WTAP: variants seen among roughly 807,000 people sequenced by gnomAD.
WTAP encodes the protein pre-mRNA-splicing regulator WTAP.
In WTAP, 8 loss-of-function variants were observed where a neutral mutation model predicts 50.0. The ratio of observed to expected loss-of-function variants is 0.16; its 90% CI spans 0.09 to 0.29. The LOEUF is 0.29. Among genes scored for constraint, WTAP ranks in the 10% least tolerant of loss-of-function variants. The pLI, the probability that WTAP is intolerant of heterozygous loss-of-function variation, is 1.00. For synonymous variants in WTAP, 194 were observed against 169.0 expected (o/e 1.15, Z -1.15); for missense variants, 295 against 470.7 (o/e 0.63, Z 3.45).
chr6:159,735,164 A>G (rs1377224147), intron 1 of WTAP, among the ~76,000 whole-genome samples: 1 of 152,144 alleles, frequency 6.6e-6, no homozygotes, highest in Non-Finnish European at 1.5e-5. Flanking sequence ...TTTGTTTGAG[A>G]TGGAGTCTCT....
Position 159,753,579 on chromosome 6 carries a change from A to C in WTAP, c.572A>C (p.Lys191Thr). ...AQLEAELALQKKYSEELKSSQ... is the reference protein window; with the variant it reads ...AQLEAELALQTKYSEELKSSQ... ...CTTGAAGCAGAGTTGGCTTTACAGA[A>C]GAAATACAGTGAGGAGCTTAAAAGC... Residue 191 changes from lysine (K) to threonine (T), a missense_variant, in exon 7 of 8, where the codon AAG (lysine) becomes ACG (threonine). Transcript: ENST00000621533. 1 of 1,614,164 alleles carries C rather than the reference A, an allele frequency of 6.2e-7. No homozygotes were observed. The highest frequency in any genetic ancestry group is 8.5e-7 in the Non-Finnish European group (1 of 1,180,006).
chr6:159,727,374 T>TGGCAGGAGGGGGGAGGCGGGA (rs776889635), upstream of WTAP: 14 of 1,033,154 alleles, frequency 1.4e-5, no homozygotes, highest in Non-Finnish European at 1.3e-5. Context: ...GCGGGGAGGC[T>TGGCAGGAGGGGGGAGGCGGGA]GGCGGGAGGC....
At chr6:159,747,940 T>G (rs1779673310) in intron 5 of WTAP, among the ~76,000 whole-genome samples, 1 of 152,212 alleles carries the variant, frequency 6.6e-6, no homozygotes, top group Non-Finnish European at 1.5e-5. Context: ...ATTCAAGGAC[T>G]ACTACATAGT....
At chr6:159,742,271 T>C (rs1355597751) in intron 4 of WTAP, 125 bp downstream of exon 4, 2 of 731,494 alleles carry the variant, frequency 2.7e-6, no homozygotes, top group Admixed American at 3.2e-5. Context: ...GAACTGTACA[T>C]AGGCACTGTG....
At position 159,748,259 on chromosome 6, in the gene WTAP, C is replaced by T. The variant is rs552327088; in HGVS notation, c.342C>T (p.Asp114=). 2 of 1,614,026 alleles carry T rather than the reference C, an allele frequency of 1.2e-6. No homozygotes were observed. Among genetic ancestry groups the T allele is most frequent in the South Asian group, 2.2e-5 (2 of 91,084 alleles). Residue 114 remains aspartate, a synonymous_variant, in exon 6 of 8, where the codon GAC becomes GAT. Transcript: ENST00000621533. The surrounding 1 kb of genome is among the most constrained non-coding windows in gnomAD (Gnocchi z 5.6). ...CCCAACTGAGATCAACAATGGTAGA[C>T]CCAGCGATCAACTTGTTTTTCCTAA... The part of the protein sequence containing the change: ...SVAQLRSTMV[D]PAINLFFLKM...
intron 1 of WTAP, among the ~76,000 whole-genome samples, chr6:159,728,323 G>A (rs1018578202): frequency 6.6e-6 from 1 of 152,032 alleles, no homozygotes; most frequent in Admixed American, 6.5e-5. Context: ...AAAAGCCCGA[G>A]TTCTTGTTTT....
intron 6 of WTAP, among the ~76,000 whole-genome samples, chr6:159,752,700 T>C (rs1583107994): frequency 1.3e-5 from 2 of 152,326 alleles, no homozygotes; most frequent in South Asian, 4.1e-4. Flanking sequence ...TCAATTAATA[T>C]AATAGATAAT....
At chr6:159,740,770 C>T (rs2842976) in intron 3 of WTAP, among the ~76,000 whole-genome samples, 70,218 of 149,328 alleles carry the variant, frequency 0.47, 18,419 homozygotes, top group Non-Finnish European at 0.58. Flanking sequence ...GTTGCGCGAT[C>T]TCGGCTCACT....
intron 1 of WTAP, among the ~76,000 whole-genome samples, chr6:159,729,218 G>A (rs1251596974): frequency 6.6e-6 from 1 of 152,180 alleles, no homozygotes; most frequent in East Asian, 1.9e-4. Context: ...TGATCATTAT[G>A]TATTTGCTTC....
chr6:159,728,902 G>A (rs1249494429), intron 1 of WTAP, among the ~76,000 whole-genome samples: 2 of 152,180 alleles, frequency 1.3e-5, no homozygotes, highest in Non-Finnish European at 2.9e-5. Context: ...ATTTGGACAA[G>A]CTACCAGAAT....
At chr6:159,747,166 C>T (rs757025994) in intron 5 of WTAP, among the ~76,000 whole-genome samples, 2 of 152,136 alleles carry the variant, frequency 1.3e-5, no homozygotes, top group Non-Finnish European at 2.9e-5. Context: ...TGGGCCAGAT[C>T]TACTTTGAGT....
intron 7 of WTAP, 30 bp from the exon 8 acceptor site, chr6:159,754,998 T>C: frequency 6.4e-7 from 1 of 1,561,590 alleles, no homozygotes; most frequent in Non-Finnish European, 8.7e-7. Flanking sequence ...ATAAACGATA[T>C]TAAAGTTGGT....
intron 1 of WTAP, among the ~76,000 whole-genome samples, chr6:159,729,092 C>A (rs1479486462): frequency 6.6e-6 from 1 of 152,108 alleles, no homozygotes; most frequent in Admixed American, 6.5e-5. Context: ...GTGTAAAAAG[C>A]CCTGTGATGT....
chr6:159,748,229 C>T lies in WTAP; in HGVS notation c.312C>T (p.Ser104=), dbSNP rs779533624. Residue 104 remains serine (S), a synonymous_variant, in exon 6 of 8, where the codon AGC becomes AGT. Coordinates refer to ENST00000621533, the MANE Select transcript of WTAP (RefSeq NM_001270531.2). The surrounding 1 kb of genome is among the most constrained non-coding windows in gnomAD (Gnocchi z 5.6). ...IQYLKQVQQP[S]VAQLRSTMVD... ...ACCTCAAGCAAGTCCAGCAGCCGAG[C>T]GTTGCCCAACTGAGATCAACAATGG... 101 of 1,613,830 alleles carry T rather than the reference C, an allele frequency of 6.3e-5. No homozygotes were observed. The highest frequency in any genetic ancestry group is 8.4e-5 in the Non-Finnish European group (99 of 1,179,926).
In WTAP at chr6:159,727,720, T is replaced by C; in HGVS notation, c.-9+17T>C. The C allele has an allele frequency of 1.0e-6, 1 of 984,970 alleles. No individual in the cohort carries two copies. Among genetic ancestry groups the C allele is most frequent in the Non-Finnish European group, 1.2e-6 (1 of 829,926 alleles). The allele number at this position is 984,970 out of a possible 1,614,324, so 61.0% of individuals were successfully genotyped here. On this transcript the variant is annotated intron_variant, in intron 1 of 7. Coordinates refer to ENST00000621533, the MANE Select transcript of WTAP (RefSeq NM_001270531.2). Reference sequence around the variant, plus strand: ...CCTGGAGAGGTAGGCGCGGGCCGGCTGGCGGGAGCGGACGCGGGGGACCTC... The same window carrying C: ...CCTGGAGAGGTAGGCGCGGGCCGGCCGGCGGGAGCGGACGCGGGGGACCTC...
chr6:159,750,545 C>A (rs569409490), intron 6 of WTAP, among the ~76,000 whole-genome samples: 1 of 152,158 alleles, frequency 6.6e-6, no homozygotes, highest in Non-Finnish European at 1.5e-5. Flanking sequence ...AAGATAATTT[C>A]TATGCATATA....
At chr6:159,727,187 G>C, upstream of WTAP, 2 of 1,225,156 alleles carry the variant, frequency 1.6e-6, no homozygotes, top group Non-Finnish European at 1.0e-6. Flanking sequence ...GAAAGGACGG[G>C]GAGTGTTACC....
upstream of WTAP, chr6:159,727,400 G>A (rs1562446961): frequency 8.2e-7 from 1 of 1,223,508 alleles, no homozygotes. Flanking sequence ...GCGGGAGGCG[G>A]GAGGCAGTGG....
intron 6 of WTAP, 75 bp from the exon 7 acceptor site, chr6:159,753,385 T>TAG: frequency 6.3e-7 from 1 of 1,591,930 alleles, no homozygotes; most frequent in South Asian, 1.1e-5. Context: ...GTGTTACATC[T>TAG]ATCACTGTAA....
Sources: gnomAD v4.1 joint callset for allele counts (sites outside exome capture counted in the v4.1 genomes callset) on GRCh38, gnomAD v4.1.1 for gene constraint, Gnocchi (gnomAD v3.1) non-coding constraint, MANE v1.5 for transcripts, NCBI Gene and HGNC (gene_info 2026-07-23, HGNC 2026-07-21) for gene names.